Variants in PFKFB3 observed in about 807,000 individuals in gnomAD.
PFKFB3 encodes the protein 6-phosphofructo-2-kinase/fructose-2,6-biphosphatase 3, also known as 6-phosphofructo-2-kinase/fructose-2,6-bisphosphatase 3.
In PFKFB3, 33 loss-of-function variants were observed where a neutral mutation model predicts 68.0. The ratio of observed to expected loss-of-function variants is 0.49; its 90% CI spans 0.37 to 0.65. The LOEUF is 0.65. PFKFB3 is among the 30% of genes least tolerant of loss of function. The pLI, the probability that PFKFB3 is intolerant of heterozygous loss-of-function variation, is 0.00. For missense variants in PFKFB3, 586 were observed against 712.2 expected (o/e 0.82, Z 2.02); for synonymous variants, 315 against 288.2 (o/e 1.09, Z -0.94).
chr10:6,192,871 T>C (rs914106091), intron 1 of PFKFB3, among the ~76,000 whole-genome samples: 1 of 152,170 alleles, frequency 6.6e-6, no homozygotes, highest in African/African-American at 2.4e-5. Flanking sequence ...TTATAGTTTT[T>C]CCAAAAGTGC....
At chr10:6,318,181 G>T in the PFKFB3 span, among the ~76,000 whole-genome samples, 1 of 152,144 alleles carries the variant, frequency 6.6e-6, no homozygotes, top group Non-Finnish European at 1.5e-5. Flanking sequence ...TGGGTGCAGG[G>T]CTCCTCCTGT....
chr10:6,170,512 G>A (rs1003648721), intron 1 of PFKFB3, among the ~76,000 whole-genome samples: 2 of 152,146 alleles, frequency 1.3e-5, no homozygotes, highest in Non-Finnish European at 2.9e-5. Flanking sequence ...GTTTGAGACT[G>A]GCCTGGGCCA....
At chr10:6,200,344 G>C (rs1843296567), upstream of PFKFB3, among the ~76,000 whole-genome samples, 1 of 152,170 alleles carries the variant, frequency 6.6e-6, no homozygotes. Flanking sequence ...ACCCAGGTTA[G>C]TAGGAGGGAA....
rs375524545 is a variant in PFKFB3, at chr10:6,226,295, A to G, written c.1445A>G (p.His482Arg). ...CCTCGCATCAACAGCTTTGAGGAGC[A>G]TGTGGCCTCCACCTCGGCCGCCCTG... ...KKPRINSFEE[H>R]VASTSAALPS... The change falls in exon 14 of 15, where the codon CAT becomes CGT. Residue 482 changes from histidine (H) to arginine (R), a missense_variant. By Grantham distance (29) the His-to-Arg change is conservative. Coordinates refer to ENST00000379775, the MANE Select transcript of PFKFB3 (RefSeq NM_004566.4). 6.2e-7 allele frequency: 1 copy of G among 1,614,168 alleles called. No homozygotes were observed. Among genetic ancestry groups the G allele is most frequent in the Non-Finnish European group, 8.5e-7 (1 of 1,180,016 alleles).
At chr10:6,162,643 A>G (rs1295150074) in intron 1 of PFKFB3, among the ~76,000 whole-genome samples, 4 of 152,176 alleles carry the variant, frequency 2.6e-5, no homozygotes, top group Non-Finnish European at 5.9e-5. Flanking sequence ...TAAAATTATG[A>G]CTGCATGTGT....
At chr10:6,222,653 G>C in intron 10 of PFKFB3, 1 of 458,360 alleles carries the variant, frequency 2.2e-6, no homozygotes, top group Non-Finnish European at 3.8e-6. Context: ...AGGTTCCCCC[G>C]TGTGGGAGCG....
chr10:6,157,434 G>A (rs1841840556), intron 1 of PFKFB3, among the ~76,000 whole-genome samples: 1 of 152,130 alleles, frequency 6.6e-6, no homozygotes, highest in African/African-American at 2.4e-5. Flanking sequence ...CACCGTGTTA[G>A]CCAGGATGGT....
chr10:6,218,484 A>G (rs1844742107), intron 6 of PFKFB3, among the ~76,000 whole-genome samples: 1 of 151,976 alleles, frequency 6.6e-6, no homozygotes, highest in Non-Finnish European at 1.5e-5. Flanking sequence ...GCTGGAATGC[A>G]GTGACACGGT....
chr10:6,297,727 C>T, the PFKFB3 span, among the ~76,000 whole-genome samples: 2,583 of 152,142 alleles, frequency 0.017, 70 homozygotes, highest in African/African-American at 0.059. Flanking sequence ...TGATGATGAC[C>T]CTGTGGAGGG....
chr10:6,175,793 TA>T (rs1842448056), intron 1 of PFKFB3, among the ~76,000 whole-genome samples: 1 of 152,172 alleles, frequency 6.6e-6, no homozygotes, highest in African/African-American at 2.4e-5. Context: ...AGATGCAAAT[TA>T]AAGCCACGGT....
At chr10:6,324,001 C>T in the PFKFB3 span, among the ~76,000 whole-genome samples, 3 of 152,330 alleles carry the variant, frequency 2.0e-5, no homozygotes, top group Admixed American at 1.3e-4. Flanking sequence ...ACCCAAGGCA[C>T]TTGTACACCC....
chr10:6,290,076 G>A, the PFKFB3 span, among the ~76,000 whole-genome samples: 7 of 152,292 alleles, frequency 4.6e-5, no homozygotes, highest in South Asian at 1.0e-3. Flanking sequence ...CTTTGCTGAA[G>A]TTGCTTATCA....
chr10:6,176,304 G>A (rs867084264), intron 1 of PFKFB3, among the ~76,000 whole-genome samples: 11 of 152,238 alleles, frequency 7.2e-5, no homozygotes, highest in Middle Eastern at 3.4e-3. Context: ...GGGGGCACGG[G>A]GGTTTCTGTA....
chr10:6,323,299 A>G, the PFKFB3 span, among the ~76,000 whole-genome samples: 1 of 152,240 alleles, frequency 6.6e-6, no homozygotes, highest in Non-Finnish European at 1.5e-5. Flanking sequence ...TTCAAGTACA[A>G]AAGTCTGGGA....
At chr10:6,222,465 A>C (rs927025006) in intron 10 of PFKFB3, among the ~76,000 whole-genome samples, 19 of 152,314 alleles carry the variant, frequency 1.2e-4, no homozygotes, top group African/African-American at 4.1e-4. Flanking sequence ...CCTTTCCCTC[A>C]CTGCACAAAG....
chr10:6,145,724 G>A (rs1233104331), intron 1 of PFKFB3, among the ~76,000 whole-genome samples: 2 of 152,316 alleles, frequency 1.3e-5, no homozygotes, highest in African/African-American at 4.8e-5. Context: ...GTGAGGATGG[G>A]AGCCGTCCCC....
chr10:6,217,385 A>G (rs1384602713), intron 6 of PFKFB3, among the ~76,000 whole-genome samples, 194 bp downstream of exon 6: 2 of 152,196 alleles, frequency 1.3e-5, no homozygotes, highest in African/African-American at 4.8e-5. Context: ...CCTGTGAGGG[A>G]CTAGCTCCAT....
At chr10:6,209,756 TTACC>T (rs1192411136) in intron 1 of PFKFB3, among the ~76,000 whole-genome samples, 3 of 138,476 alleles carry the variant, frequency 2.2e-5, no homozygotes, top group Non-Finnish European at 4.6e-5. Context: ...CAGCCAATAC[TTACC>T]TTTTCTTTTT....
At chr10:6,312,718 T>C in the PFKFB3 span, among the ~76,000 whole-genome samples, 1 of 152,244 alleles carries the variant, frequency 6.6e-6, no homozygotes, top group Non-Finnish European at 1.5e-5. Context: ...TTTGTAAATA[T>C]TGTTTTCTAT....
Sources: allele counts gnomAD v4.1 joint callset (sites outside exome capture counted in the v4.1 genomes callset), GRCh38; gene constraint gnomAD v4.1.1; transcripts MANE v1.5; gene names NCBI Gene and HGNC (gene_info 2026-07-23, HGNC 2026-07-21).